Variants in CEP104 observed in about 807,000 individuals in gnomAD.
CEP104 encodes the protein centrosomal protein of 104 kDa.
In CEP104, 84 loss-of-function variants were observed where a neutral mutation model predicts 113.3. The ratio of observed to expected loss-of-function variants is 0.74; its 90% CI spans 0.62 to 0.89. The LOEUF is 0.89. Ranked by LOEUF, CEP104 falls within the 40% of genes least tolerant of loss-of-function variation. The pLI, the probability that CEP104 is intolerant of heterozygous loss-of-function variation, is 0.00. For synonymous variants in CEP104, 378 were observed against 421.7 expected (o/e 0.90, Z 1.27); for missense variants, 1,053 against 1,156.6 (o/e 0.91, Z 1.30).
chr1:3,815,642 T>C (rs918585062), intron 21 of CEP104, 125 bp from the exon 22 acceptor site: 2 of 641,992 alleles, frequency 3.1e-6, no homozygotes, highest in Non-Finnish European at 5.3e-6. Context: ...GTCACCCGAC[T>C]ACAGGAGCCA....
chr1:3,824,460 G>C (rs1644044934), intron 18 of CEP104, among the ~76,000 whole-genome samples: 1 of 152,182 alleles, frequency 6.6e-6, no homozygotes, highest in African/African-American at 2.4e-5. Flanking sequence ...GACACGAATA[G>C]CATGAACCAT....
intron 6 of CEP104, among the ~76,000 whole-genome samples, chr1:3,844,420 C>T (rs75282198): frequency 0.067 from 10,139 of 152,176 alleles, 402 homozygotes; most frequent in Non-Finnish European, 0.098. Flanking sequence ...ATTGCTTGAA[C>T]GCAGGAAGCA....
Position 3,845,361 on chromosome 1 carries a change from T to A in CEP104, c.427-10A>T. On this transcript the variant is annotated splice_polypyrimidine_tract_variant and intron_variant, in intron 4 of 21. Transcript: ENST00000378230. ...TGGCAACCAAAGCAACCTAAGAAAG[T>A]GTTAAAATAACAGAATTAAATATAC... The A allele has an allele frequency of 6.4e-7, 1 of 1,574,312 alleles. No homozygotes were observed. The highest frequency in any genetic ancestry group is 8.7e-7 in the Non-Finnish European group (1 of 1,148,582).
At chr1:3,821,514 T>A (rs1643971706) in intron 20 of CEP104, among the ~76,000 whole-genome samples, 1 of 152,088 alleles carries the variant, frequency 6.6e-6, no homozygotes, top group Admixed American at 6.5e-5. Context: ...AGCTTCTGCT[T>A]AGAGGAATAT....
chr1:3,822,445 A>C (rs1643995663), intron 20 of CEP104, among the ~76,000 whole-genome samples: 1 of 152,216 alleles, frequency 6.6e-6, no homozygotes, highest in Non-Finnish European at 1.5e-5. Flanking sequence ...ACACAGTGAC[A>C]CACTGCAGGT....
In CEP104 at chr1:3,832,434, C is replaced by T. The variant is rs79717070; in HGVS notation, c.1660-1212G>A. Among the ~76,000 whole-genome samples the T allele has an allele frequency of 4.8e-3, 261 of 54,578 alleles. 1 individual carries two copies. The highest frequency in any genetic ancestry group is 0.016 in the African/African-American group (120 of 7,740). 35.8% of individuals were successfully genotyped at this position (54,578 alleles called of 152,430 possible). ...GCGTAGGTCCTGACCAGGAGTGTAG[C>T]GTAGGTCGTGACCAGGAGTGTAGCG... is the stretch of plus-strand genomic sequence containing the variant. On this transcript the variant is annotated intron_variant, in intron 12 of 21. Transcript: ENST00000378230.
Position 3,815,273 on chromosome 1 carries a change from TGCACG to T in CEP104, c.*124_*128del. On this transcript the variant is annotated 3_prime_UTR_variant, in exon 22 of 22. Transcript: ENST00000378230. ...TGACGGCACAGACGCGTAAGAGGCG[TGCACG>T]GCGGGGAGCTGGGGACAGCAGCCAG... is the stretch of plus-strand genomic sequence containing the variant. The T allele has an allele frequency of 1.5e-6, 1 of 682,126 alleles. No homozygotes were observed. Among genetic ancestry groups the T allele is most frequent in the South Asian group, 1.7e-5 (1 of 58,934 alleles). 42.3% of individuals were successfully genotyped at this position (682,126 alleles called of 1,614,324 possible).
chr1:3,841,392 C>T (rs1047577215), intron 6 of CEP104, among the ~76,000 whole-genome samples: 3 of 152,182 alleles, frequency 2.0e-5, no homozygotes, highest in African/African-American at 7.2e-5. Context: ...TGTCTAATCC[C>T]AGGGGTGACT....
At chr1:3,855,938 A>G (rs1462290937) in intron 1 of CEP104, 1 of 985,286 alleles carries the variant, frequency 1.0e-6, no homozygotes, top group Non-Finnish European at 1.2e-6. Flanking sequence ...ATGCCAGAGT[A>G]CATCTCTCCC....
chr1:3,815,198 C>T lies in CEP104; in HGVS notation c.*204G>A. On this transcript the variant is annotated 3_prime_UTR_variant, in exon 22 of 22. Coordinates refer to ENST00000378230, the MANE Select transcript of CEP104 (RefSeq NM_014704.4). ...TGTACAGTGCGGCCAGGTCCTGGCA[C>T]TGCACGCAGGATCTTTGGTTAGCTG... 1.7e-6 allele frequency: 1 copy of T among 580,186 alleles called. No individual in the cohort carries two copies. Among genetic ancestry groups the T allele is most frequent in the Non-Finnish European group, 3.1e-6 (1 of 323,096 alleles). The allele number at this position is 580,186 out of a possible 1,614,324, so 35.9% of individuals were successfully genotyped here.
chr1:3,826,359 G>A lies in CEP104; in HGVS notation c.2255+11C>T. 1 of 1,613,116 alleles carries A rather than the reference G, an allele frequency of 6.2e-7. No individual in the cohort carries two copies. The highest frequency in any genetic ancestry group is 8.5e-7 in the Non-Finnish European group (1 of 1,179,150). ...ACCATCGTACAATGGGTGGAAGACA[G>A]CGCGACTTACTTATCTAGATAGTGC... is the stretch of plus-strand genomic sequence containing the variant. On this transcript the variant is annotated intron_variant, in intron 17 of 21. Transcript: ENST00000378230.
At position 3,836,475 on chromosome 1, in the gene CEP104, T is replaced by TTTTG; in HGVS notation, c.1317+19_1317+20insCAAA. The TTTTG allele has an allele frequency of 7.0e-7, 1 of 1,433,898 alleles. No individual in the cohort carries two copies. Among genetic ancestry groups the TTTTG allele is most frequent in the Non-Finnish European group, 9.1e-7 (1 of 1,093,414 alleles). 88.8% of individuals were successfully genotyped at this position (1,433,898 alleles called of 1,614,324 possible). On this transcript the variant is annotated intron_variant, in intron 10 of 21. Coordinates refer to ENST00000378230, the MANE Select transcript of CEP104 (RefSeq NM_014704.4). ...CCTCCCCTCTGCCACCCCGTTTTTT[T>TTTTG]TTTTTTTTTTTTTTTTTACCAAGGT... is the stretch of plus-strand genomic sequence containing the variant.
rs372683565 is a variant in CEP104, at chr1:3,847,611, T to C, written c.290A>G (p.Tyr97Cys). 2 of 1,613,946 alleles carry C rather than the reference T, an allele frequency of 1.2e-6. No individual in the cohort carries two copies. The highest frequency in any genetic ancestry group is 1.3e-5 in the African/African-American group (1 of 74,892). The change falls in exon 4 of 22, where the codon TAC becomes TGC. Residue 97 changes from tyrosine (Y) to cysteine (C), a missense_variant and splice_region_variant. Coordinates refer to ENST00000378230, the MANE Select transcript of CEP104 (RefSeq NM_014704.4). ...CTTTTCATTATCACAGAGAGACACG[T>C]AGCTGAAAAACAAAACACAACTGAA... ...YQAERFRRLG[Y>C]VSLCDNEKTG...
rs141906706 is a variant in CEP104, at chr1:3,839,731, C to T, written c.612G>A (p.Met204Ile). 2.4e-5 allele frequency: 39 copies of T among 1,613,500 alleles called. No homozygotes were observed. In the African/African-American group the frequency reaches 5.1e-4, roughly 21 times the overall value. The part of the protein sequence containing the change: ...ISPLDDLAFD[M>I]YQDPEVAQII... ...TCTGTGCAACTTCTGGATCTTGGTACATATCAAAAGCTAAGTCATCTAGCG... is the reference window on the plus strand; with the variant it reads ...TCTGTGCAACTTCTGGATCTTGGTATATATCAAAAGCTAAGTCATCTAGCG... Residue 204 changes from methionine to isoleucine, a missense_variant, in exon 7 of 22, where the codon ATG becomes ATA. Physicochemically the swap from Met to Ile is conservative, Grantham distance 10. Coordinates refer to ENST00000378230, the MANE Select transcript of CEP104 (RefSeq NM_014704.4).
intron 6 of CEP104, among the ~76,000 whole-genome samples, chr1:3,843,687 A>AT (rs567785194): frequency 1.5e-3 from 215 of 145,946 alleles, no homozygotes; most frequent in Non-Finnish European, 2.5e-3. Context: ...CCCCATACCC[A>AT]TTTTTTTTTT....
At chr1:3,856,269 C>T (rs193035478) in intron 1 of CEP104, among the ~76,000 whole-genome samples, 1 of 152,110 alleles carries the variant, frequency 6.6e-6, no homozygotes, top group East Asian at 1.9e-4. Context: ...ATTAGTCGGG[C>T]TACTCGGGAG....
chr1:3,816,349 C>T lies in CEP104; in HGVS notation c.2593G>A (p.Gly865Ser). The change falls in exon 21 of 22, where the codon GGC becomes AGC. Residue 865 changes from glycine (G) to serine (S), a missense_variant. Coordinates refer to ENST00000378230, the MANE Select transcript of CEP104 (RefSeq NM_014704.4). Reference protein sequence around the residue: ...GEEAWKAHLMGPAGCTMNLRK... With the variant: ...GEEAWKAHLMSPAGCTMNLRK... Reference sequence around the variant, plus strand: ...AGGTTCATCGTGCAGCCGGCTGGGCCCATCAGGTGAGCTTTCCATGCCTGC... The same window carrying T: ...AGGTTCATCGTGCAGCCGGCTGGGCTCATCAGGTGAGCTTTCCATGCCTGC... 1 of 1,552,588 alleles carries T rather than the reference C, an allele frequency of 6.4e-7. No individual in the cohort carries two copies. Among genetic ancestry groups the T allele is most frequent in the Admixed American group, 2.0e-5 (1 of 51,172 alleles).
intron 10 of CEP104, 39 bp downstream of exon 10, chr1:3,836,456 C>T (rs1644312833): frequency 3.2e-6 from 5 of 1,553,938 alleles, no homozygotes; most frequent in Admixed American, 3.6e-5. Context: ...CTAGCCTCCC[C>T]TCTGCCACCC....
At chr1:3,854,233 A>G (rs2124703689) in intron 1 of CEP104, among the ~76,000 whole-genome samples, 2 of 152,094 alleles carry the variant, frequency 1.3e-5, no homozygotes, top group East Asian at 3.9e-4. Flanking sequence ...CCCCACCTGA[A>G]GCGCCTCCCT....
Sources: gnomAD v4.1 joint callset for allele counts (sites outside exome capture counted in the v4.1 genomes callset) on GRCh38, gnomAD v4.1.1 for gene constraint, MANE v1.5 for transcripts, NCBI Gene and HGNC (gene_info 2026-07-23, HGNC 2026-07-21) for gene names.